ERAP1: variants seen among roughly 807,000 people sequenced by gnomAD.
ERAP1 encodes adipocyte-derived leucine aminopeptidase.
Under a neutral mutation model 103.7 loss-of-function variants are expected in ERAP1, and 86 were observed. The observed-to-expected ratio is 0.83, with a 90% confidence interval of 0.70 to 0.99. The LOEUF (loss-of-function observed/expected upper bound fraction) is 0.99, where lower values mean the gene tolerates loss of function less well. Among genes scored for constraint, ERAP1 ranks in the 50% least tolerant of loss-of-function variants. The probability of loss-of-function intolerance (pLI) is 0.00; values close to 1 mark genes in which losing one functional copy is unlikely to be tolerated. For synonymous variants in ERAP1, 398 were observed against 402.4 expected (o/e 0.99, Z 0.13); for missense variants, 1,009 against 1,128.4 (o/e 0.89, Z 1.52).
At chr5:96,796,221 C>T (rs1398627617) in intron 4 of ERAP1, among the ~76,000 whole-genome samples, 1 of 152,180 alleles carries the variant, frequency 6.6e-6, no homozygotes, top group Non-Finnish European at 1.5e-5. Flanking sequence ...CAGTGAAAAC[C>T]AGCACAAACA....
chr5:96,784,228 C>T (rs1219774887), intron 13 of ERAP1, 148 bp from the exon 14 acceptor site: 11 of 818,908 alleles, frequency 1.3e-5, no homozygotes, highest in Non-Finnish European at 2.0e-5. Flanking sequence ...GGCGCGGTGG[C>T]TCATGCCTGT....
At chr5:96,918,210 A>G in the ERAP1 span, 1 of 152,384 alleles carries the variant, frequency 6.6e-6, no homozygotes, top group African/African-American at 2.4e-5. Context: ...ACATAGATAT[A>G]TAGATACAGC....
chr5:96,918,799 T>A, the ERAP1 span: 2 of 152,238 alleles, frequency 1.3e-5, no homozygotes, highest in Non-Finnish European at 2.9e-5. Flanking sequence ...TATTTTCGGT[T>A]AAATGATAAT....
the ERAP1 span, chr5:96,881,451 G>A: frequency 4.4e-6 from 2 of 456,212 alleles, no homozygotes; most frequent in Middle Eastern, 3.3e-4. Flanking sequence ...TGGACGGCTT[G>A]GTTTCCCAGG....
chr5:96,766,496 A>G (rs976212882), intron 19 of ERAP1, among the ~76,000 whole-genome samples: 1 of 152,250 alleles, frequency 6.6e-6, no homozygotes, highest in Non-Finnish European at 1.5e-5. Flanking sequence ...TAAGGAGAGC[A>G]GAAAAGGAGC....
chr5:96,909,859 G>A, the ERAP1 span: 1 of 1,273,666 alleles, frequency 7.9e-7, no homozygotes, highest in African/African-American at 1.5e-5. Context: ...CTTTTAGTGA[G>A]GATAGAAAAA....
the ERAP1 span, among the ~76,000 whole-genome samples, chr5:96,838,407 T>A: frequency 6.6e-6 from 1 of 152,194 alleles, no homozygotes; most frequent in Non-Finnish European, 1.5e-5. Flanking sequence ...TACACTCTTA[T>A]CTAGGCTTTC....
the ERAP1 span, among the ~76,000 whole-genome samples, chr5:96,868,438 A>G: frequency 2.0e-5 from 3 of 152,200 alleles, no homozygotes; most frequent in African/African-American, 7.2e-5. Flanking sequence ...AAGGCAACAC[A>G]GATATATCTC....
the ERAP1 span, among the ~76,000 whole-genome samples, chr5:96,911,882 G>GAAA: frequency 9.1e-6 from 1 of 109,654 alleles, no homozygotes; most frequent in Non-Finnish European, 1.8e-5. Context: ...AAAAAAAAAA[G>GAAA]AAAGAAAGAA....
chr5:96,913,899 T>TG, the ERAP1 span, among the ~76,000 whole-genome samples: 28 of 152,302 alleles, frequency 1.8e-4, no homozygotes, highest in African/African-American at 5.8e-4. Flanking sequence ...CTAGAGCCCC[T>TG]GTGGAGGTGG....
chr5:96,785,408 G>A, intron 13 of ERAP1: 1 of 326,300 alleles, frequency 3.1e-6, no homozygotes, highest in East Asian at 7.8e-5. Flanking sequence ...CTTCAAGGCT[G>A]TTATAAAGAC....
chr5:96,869,726 T>C, the ERAP1 span, among the ~76,000 whole-genome samples: 5 of 152,218 alleles, frequency 3.3e-5, no homozygotes, highest in African/African-American at 1.2e-4. Flanking sequence ...AATCTGACCA[T>C]GAAGACTGTG....
chr5:96,923,132 GCTGT>G, the ERAP1 span, among the ~76,000 whole-genome samples: 7 of 152,148 alleles, frequency 4.6e-5, no homozygotes, highest in South Asian at 4.2e-4. Flanking sequence ...CACCACAATG[GCTGT>G]CTAATTTTTA....
intron 1 of ERAP1, among the ~76,000 whole-genome samples, chr5:96,806,435 T>C (rs1205699389): frequency 6.6e-6 from 1 of 152,172 alleles, no homozygotes; most frequent in African/African-American, 2.4e-5. Flanking sequence ...TTTACTAAGC[T>C]CCTCCAAAGT....
the ERAP1 span, among the ~76,000 whole-genome samples, chr5:96,856,745 T>A: frequency 6.6e-6 from 1 of 152,200 alleles, no homozygotes; most frequent in Non-Finnish European, 1.5e-5. Flanking sequence ...TACGGCATAG[T>A]TGTCACTGGG....
At chr5:96,767,972 T>C (rs761817687) in intron 19 of ERAP1, 42 of 1,612,876 alleles carry the variant, frequency 2.6e-5, no homozygotes, top group Non-Finnish European at 3.4e-5. Context: ...GTCCCTCCAC[T>C]ACAGAAACCT....
At chr5:96,921,028 C>G in the ERAP1 span, among the ~76,000 whole-genome samples, 1 of 152,238 alleles carries the variant, frequency 6.6e-6, no homozygotes, top group Non-Finnish European at 1.5e-5. Flanking sequence ...ACCACTTCCC[C>G]TGATATGTTT....
At chr5:96,805,127 A>G (rs1778432870) in intron 1 of ERAP1, among the ~76,000 whole-genome samples, 1 of 152,048 alleles carries the variant, frequency 6.6e-6, no homozygotes, top group African/African-American at 2.4e-5. Context: ...AGTTGGGAAA[A>G]GTAGCAAGCT....
chr5:96,876,945 C>T, the ERAP1 span, among the ~76,000 whole-genome samples: 1 of 151,998 alleles, frequency 6.6e-6, no homozygotes, highest in African/African-American at 2.4e-5. Context: ...CCTGTTCCTT[C>T]ATCTGTTTAT....
Sources: allele counts gnomAD v4.1 joint callset (sites outside exome capture counted in the v4.1 genomes callset), GRCh38; gene constraint gnomAD v4.1.1; transcripts MANE v1.5; gene names NCBI Gene and HGNC (gene_info 2026-07-23, HGNC 2026-07-21).